Variants in BICD1 observed in about 807,000 individuals in gnomAD.
BICD1 encodes protein bicaudal D homolog 1.
In BICD1, 35 loss-of-function variants were observed where a neutral mutation model predicts 92.5. The ratio of observed to expected loss-of-function variants is 0.38; its 90% CI spans 0.29 to 0.50. The LOEUF is 0.50. Ranked by LOEUF, BICD1 falls within the 20% of genes least tolerant of loss-of-function variation. The pLI, the probability that BICD1 is intolerant of heterozygous loss-of-function variation, is 0.93. For synonymous variants in BICD1, 429 were observed against 465.1 expected (o/e 0.92, Z 1.00); for missense variants, 950 against 1,189.8 (o/e 0.80, Z 2.97).
intron 2 of BICD1, among the ~76,000 whole-genome samples, chr12:32,257,246 G>A (rs1418293176): frequency 6.8e-6 from 1 of 146,080 alleles, no homozygotes; most frequent in African/African-American, 2.5e-5. Flanking sequence ...TCTTTTTAAA[G>A]CATCACTAGG....
Position 32,116,510 on chromosome 12 carries a change from C to CTATATA in BICD1, c.213+8980_213+8985dup, listed in dbSNP as rs370907481. Among the ~76,000 whole-genome samples the CTATATA allele has an allele frequency of 5.4e-3, 564 of 104,270 alleles. 3 individuals are homozygous for CTATATA. Among genetic ancestry groups the CTATATA allele is most frequent in the Middle Eastern group, 0.021 (4 of 194 alleles). The allele number at this position is 104,270 out of a possible 152,430, so 68.4% of individuals were successfully genotyped here. On this transcript the variant is annotated intron_variant, in intron 1 of 9. Transcript: ENST00000652176. ...TCTCTCTTTCTCTCTCTCTCTCTCT[C>CTATATA]TATATATATATATATATATGTAATT...
chr12:32,370,510 C>T lies in BICD1; in HGVS notation c.2840+2765C>T, dbSNP rs560468547. Reference sequence around the variant, plus strand: ...CAGTCCATTCTCCACCAAGCACCCCCAGCCCTTACCCCAAGGCCTGGGTCA... The same window carrying T: ...CAGTCCATTCTCCACCAAGCACCCCTAGCCCTTACCCCAAGGCCTGGGTCA... On this transcript the variant is annotated intron_variant, in intron 9 of 9. Transcript: ENST00000652176. Among the ~76,000 whole-genome samples the T allele has an allele frequency of 2.6e-5, 4 of 152,272 alleles. No homozygotes were observed. The East Asian group carries it at 5.8e-4, about 22-fold the overall frequency.
intron 1 of BICD1, among the ~76,000 whole-genome samples, chr12:32,169,595 A>G (rs1943875085): frequency 6.6e-6 from 1 of 151,938 alleles, no homozygotes; most frequent in South Asian, 2.1e-4. Context: ...CATTTTATAT[A>G]CTAGACTTTT....
chr12:32,291,529 CA>C (rs35062570), intron 2 of BICD1, among the ~76,000 whole-genome samples: 48,818 of 147,070 alleles, frequency 0.33, 8,514 homozygotes, highest in Non-Finnish European at 0.41. Flanking sequence ...CTGCTTCTAC[CA>C]AAAAAAAAAA....
At chr12:32,263,549 G>GA (rs570635188) in intron 2 of BICD1, among the ~76,000 whole-genome samples, 6,148 of 99,194 alleles carry the variant, frequency 0.062, 159 homozygotes, top group Non-Finnish European at 0.1. Context: ...ATCCCAAAAA[G>GA]AAAAAAAAAA....
intron 1 of BICD1, among the ~76,000 whole-genome samples, chr12:32,155,231 G>A (rs1280505110): frequency 6.6e-6 from 1 of 152,146 alleles, no homozygotes; most frequent in African/African-American, 2.4e-5. Context: ...AACGGCACAA[G>A]CAATCATTTA....
intron 8 of BICD1, among the ~76,000 whole-genome samples, chr12:32,367,080 A>C (rs1939551067): frequency 6.6e-6 from 1 of 152,256 alleles, no homozygotes; most frequent in Non-Finnish European, 1.5e-5. Context: ...TGTAATAGAC[A>C]TTCTAAGATT....
intron 6 of BICD1, among the ~76,000 whole-genome samples, chr12:32,335,542 A>G (rs1938076181): frequency 1.4e-5 from 2 of 147,398 alleles, no homozygotes; most frequent in Non-Finnish European, 3.0e-5. Context: ...GTTGAAATAC[A>G]TTTTTTGCTG....
chr12:32,270,549 T>C (rs1399728671), intron 2 of BICD1, among the ~76,000 whole-genome samples: 1 of 152,198 alleles, frequency 6.6e-6, no homozygotes, highest in East Asian at 1.9e-4. Flanking sequence ...TAAGAACTTG[T>C]TTTAATCTCA....
At chr12:32,193,488 TG>T (rs1944634324) in intron 1 of BICD1, among the ~76,000 whole-genome samples, 2 of 152,178 alleles carry the variant, frequency 1.3e-5, no homozygotes, top group Admixed American at 6.5e-5. Context: ...TCTGTTGTGG[TG>T]GTTTGGAACT....
At chr12:32,339,361 G>T in intron 8 of BICD1, 1 of 994,538 alleles carries the variant, frequency 1.0e-6, no homozygotes, top group Non-Finnish European at 1.2e-6. Flanking sequence ...TTCCGTAAAG[G>T]GAGAGCCATA....
intron 9 of BICD1, among the ~76,000 whole-genome samples, chr12:32,368,925 A>G (rs1316138536): frequency 2.0e-5 from 3 of 152,126 alleles, no homozygotes; most frequent in African/African-American, 7.2e-5. Context: ...AGATAAATAG[A>G]TAGATAGACA....
intron 2 of BICD1, among the ~76,000 whole-genome samples, chr12:32,264,244 T>C: frequency 6.6e-6 from 1 of 152,212 alleles, no homozygotes; most frequent in East Asian, 1.9e-4. Context: ...ATATTGTTAT[T>C]AGCTCTTAAG....
At chr12:32,139,694 G>C (rs1942844060) in intron 1 of BICD1, among the ~76,000 whole-genome samples, 1 of 152,126 alleles carries the variant, frequency 6.6e-6, no homozygotes. Context: ...CTCCCAAGTA[G>C]CTGGGACTAC....
intron 1 of BICD1, among the ~76,000 whole-genome samples, chr12:32,123,666 C>T (rs1415266349): frequency 6.6e-6 from 1 of 152,190 alleles, no homozygotes; most frequent in Non-Finnish European, 1.5e-5. Flanking sequence ...CACCTGAGGT[C>T]AGGAGTTCAA....
At position 32,377,624 on chromosome 12, in the gene BICD1, C is replaced by T. The variant is rs11051965; in HGVS notation, c.2925C>T (p.Pro975=). 1 of 1,611,972 alleles carries T rather than the reference C, an allele frequency of 6.2e-7. No individual in the cohort carries two copies. The highest frequency in any genetic ancestry group is 1.3e-5 in the African/African-American group (1 of 74,850). The change falls in exon 10 of 10, where the codon CCC becomes CCT. Residue 975 remains proline (P), a synonymous_variant. Coordinates refer to ENST00000652176, the MANE Select transcript of BICD1 (RefSeq NM_001714.4). ...PLHCLSKPPH[P] The stretch of plus-strand genomic sequence containing the variant: ...ACTGTCTCTCCAAGCCTCCTCACCC[C>T]TAGTCTTCATCTCCTGTGGACGAAC...
chr12:32,288,064 GCTCAGAACTC>G (rs1175840766), intron 2 of BICD1, among the ~76,000 whole-genome samples: 1 of 152,154 alleles, frequency 6.6e-6, no homozygotes, highest in East Asian at 1.9e-4. Context: ...TGAGGCTCAG[GCTCAGAACTC>G]CCCAGCACTT....
rs116179415 is a variant in BICD1 at position 32,148,641 on chromosome 12, A to C, written c.213+41097A>C. The stretch of plus-strand genomic sequence containing the variant: ...TCACTTGGCAGACAGGCAGGTAGGA[A>C]CTTTCCTGGTGAACCCTCCCTGTAT... On this transcript the variant is annotated intron_variant, in intron 1 of 9. Transcript: ENST00000652176. Among the ~76,000 whole-genome samples the C allele has an allele frequency of 4.3e-3, 656 of 152,274 alleles. 3 individuals carry two copies. The highest frequency in any genetic ancestry group is 0.015 in the African/African-American group (620 of 41,546).
intron 1 of BICD1, among the ~76,000 whole-genome samples, chr12:32,162,545 A>G (rs2668307): frequency 0.14 from 21,444 of 152,228 alleles, 1,753 homozygotes; most frequent in East Asian, 0.21. Flanking sequence ...GGCTTTGAGG[A>G]ATAAATAAGA....
Sources: allele counts gnomAD v4.1 joint callset (sites outside exome capture counted in the v4.1 genomes callset), GRCh38; gene constraint gnomAD v4.1.1; transcripts MANE v1.5; gene names NCBI Gene and HGNC (gene_info 2026-07-23, HGNC 2026-07-21).